STAU1: variants seen among roughly 807,000 people sequenced by gnomAD.
The protein encoded by STAU1 is staufen double-stranded RNA binding protein 1.
In STAU1, 13 loss-of-function variants were observed where a neutral mutation model predicts 62.9. The ratio of observed to expected loss-of-function variants is 0.21; its 90% CI spans 0.13 to 0.33. The LOEUF (loss-of-function observed/expected upper bound fraction) is 0.33. Among genes scored for constraint, STAU1 ranks in the 10% least tolerant of loss-of-function variants. STAU1 has a pLI of 1.00. For synonymous variants in STAU1, 269 were observed against 265.1 expected (o/e 1.01, Z -0.14); for missense variants, 571 against 712.1 (o/e 0.80, Z 2.25).
At chr20:49,120,186 C>G in intron 8 of STAU1, 58 bp from the exon 9 acceptor site, 1 of 1,552,994 alleles carries the variant, frequency 6.4e-7, no homozygotes, top group East Asian at 2.3e-5. Context: ...AACAACCAGG[C>G]AGGAATTGGT....
intron 2 of STAU1, among the ~76,000 whole-genome samples, chr20:49,170,560 T>G (rs2093584097): frequency 6.6e-6 from 1 of 151,940 alleles, no homozygotes; most frequent in African/African-American, 2.4e-5. Flanking sequence ...ACCATGTTGG[T>G]CAGGCTGGTC....
At chr20:49,157,024 C>G (rs1039613305) in intron 3 of STAU1, among the ~76,000 whole-genome samples, 3 of 151,088 alleles carry the variant, frequency 2.0e-5, no homozygotes, top group African/African-American at 4.9e-5. Flanking sequence ...TTACAGGCAC[C>G]TGCCACCATG....
intron 6 of STAU1, among the ~76,000 whole-genome samples, chr20:49,133,964 G>A (rs2092811904): frequency 6.6e-6 from 1 of 152,144 alleles, no homozygotes; most frequent in Non-Finnish European, 1.5e-5. Context: ...GCACATAGGA[G>A]GAGAAGGTAT....
chr20:49,133,388 ACTCCCCACGGTCTTGGTACCC>A (rs2092795827), intron 6 of STAU1, among the ~76,000 whole-genome samples: 1 of 151,950 alleles, frequency 6.6e-6, no homozygotes, highest in Non-Finnish European at 1.5e-5. Flanking sequence ...GGCATCTCCC[ACTCCCCACGGTCTTGGTACCC>A]CTCCCCCACA....
At chr20:49,180,187 AAGCAAAG>A (rs1158627083) in intron 1 of STAU1, among the ~76,000 whole-genome samples, 9 of 152,240 alleles carry the variant, frequency 5.9e-5, no homozygotes, top group African/African-American at 2.2e-4. Flanking sequence ...AAGGGCTAGG[AAGCAAAG>A]AGGACAACCA....
the STAU1 span, among the ~76,000 whole-genome samples, chr20:49,204,992 T>C: frequency 6.6e-6 from 1 of 151,802 alleles, no homozygotes; most frequent in Non-Finnish European, 1.5e-5. Flanking sequence ...AAAAAAAAAT[T>C]CACAAGATTT....
Position 49,151,571 on chromosome 20 carries a change from C to T in STAU1, c.510+11G>A. 6.3e-7 allele frequency: 1 copy of T among 1,585,448 alleles called. No homozygotes were observed. The highest frequency in any genetic ancestry group is 1.4e-5 in the African/African-American group (1 of 73,492). On this transcript the variant is annotated intron_variant, in intron 5 of 13. Transcript: ENST00000371856. ...GTCGAAGCGTCAGGGAGCCTGGGCT[C>T]AACTCCTCACCTCCAGCCTCTCTGG...
intron 5 of STAU1, among the ~76,000 whole-genome samples, chr20:49,150,841 C>T (rs1309745883): frequency 6.6e-6 from 1 of 152,098 alleles, no homozygotes; most frequent in Non-Finnish European, 1.5e-5. Flanking sequence ...GGCAACCAGC[C>T]ACCATAACAT....
chr20:49,118,112 A>T lies in STAU1; in HGVS notation c.1190-16T>A. The T allele has an allele frequency of 6.2e-7, 1 of 1,606,312 alleles. No individual in the cohort carries two copies. The highest frequency in any genetic ancestry group is 1.1e-5 in the South Asian group (1 of 90,860). ...TCTTTATTACCTGGGAGGGACATAC[A>T]CGGTAAACACGAATCCACATCCACA... On this transcript the variant is annotated splice_polypyrimidine_tract_variant and intron_variant, in intron 10 of 13. Coordinates refer to ENST00000371856, the MANE Select transcript of STAU1 (RefSeq NM_017453.4).
intron 3 of STAU1, among the ~76,000 whole-genome samples, chr20:49,157,758 G>A (rs900168809): frequency 2.6e-5 from 4 of 151,910 alleles, no homozygotes; most frequent in Admixed American, 6.6e-5. Flanking sequence ...GATTACAGGC[G>A]TGAGCCACCA....
intron 6 of STAU1, chr20:49,134,994 GTC>G (rs2092843585): frequency 6.2e-7 from 1 of 1,602,402 alleles, no homozygotes; most frequent in Non-Finnish European, 8.5e-7. Flanking sequence ...ATGAACAAGA[GTC>G]TTTCAGGACC....
chr20:49,162,921 T>C (rs984931508), intron 3 of STAU1, among the ~76,000 whole-genome samples: 24 of 151,990 alleles, frequency 1.6e-4, no homozygotes, highest in African/African-American at 5.8e-4. Flanking sequence ...AGGCTGGATG[T>C]GGTGGCTCAC....
chr20:49,117,183 A>C lies in STAU1; in HGVS notation c.1575T>G (p.Ser525=), dbSNP rs1434489858. The change falls in exon 12 of 14, where the codon TCT becomes TCG. Residue 525 remains serine, a synonymous_variant. Transcript: ENST00000371856. The surrounding 1 kb of genome is among the most constrained non-coding windows in gnomAD (Gnocchi z 4.6). ...TACCATGGCTGATCAGAGGTGGCTGAGAGGAGCAATTGATAAGAGATACAA... is the reference window on the plus strand; with the variant it reads ...TACCATGGCTGATCAGAGGTGGCTGCGAGGAGCAATTGATAAGAGATACAA... ...NEFVSLINCS[S]QPPLISHGIG... 6.2e-7 allele frequency: 1 copy of C among 1,614,150 alleles called. No homozygotes were observed. The highest frequency in any genetic ancestry group is 8.5e-7 in the Non-Finnish European group (1 of 1,180,016).
chr20:49,134,040 T>C (rs567869330), intron 6 of STAU1, among the ~76,000 whole-genome samples: 1 of 152,234 alleles, frequency 6.6e-6, no homozygotes, highest in Non-Finnish European at 1.5e-5. Context: ...TCAGATAGGC[T>C]TTTTAAGAAA....
chr20:49,129,279 A>ATTTTT (rs1337866356), intron 6 of STAU1, among the ~76,000 whole-genome samples: 157 of 101,874 alleles, frequency 1.5e-3, no homozygotes, highest in African/African-American at 5.7e-3. Flanking sequence ...TTTAAAAAAA[A>ATTTTT]ATTTTTTTTT....
intron 5 of STAU1, among the ~76,000 whole-genome samples, chr20:49,137,231 T>C (rs1600687356): frequency 1.3e-5 from 2 of 152,304 alleles, no homozygotes; most frequent in South Asian, 2.1e-4. Context: ...AAAACTGCCA[T>C]GTATCTCATA....
intron 6 of STAU1, among the ~76,000 whole-genome samples, chr20:49,127,178 C>G (rs1170018656): frequency 6.6e-6 from 1 of 151,610 alleles, no homozygotes; most frequent in East Asian, 1.9e-4. Context: ...CATAGTGAAA[C>G]CCCGTCTCTA....
At chr20:49,119,843 G>T in intron 9 of STAU1, 139 bp downstream of exon 9, 1 of 1,055,656 alleles carries the variant, frequency 9.5e-7, no homozygotes, top group Non-Finnish European at 1.3e-6. Context: ...TGGTCCAAAT[G>T]GATGAGACAC....
At chr20:49,178,805 G>T (rs1418259737) in intron 1 of STAU1, among the ~76,000 whole-genome samples, 2 of 148,630 alleles carry the variant, frequency 1.3e-5, no homozygotes, top group Non-Finnish European at 3.0e-5. Flanking sequence ...CGGGCGCGGT[G>T]GCTCACGCCT....
Sources: gnomAD v4.1 joint callset for allele counts (sites outside exome capture counted in the v4.1 genomes callset) on GRCh38, gnomAD v4.1.1 for gene constraint, Gnocchi (gnomAD v3.1) non-coding constraint, MANE v1.5 for transcripts, NCBI Gene and HGNC (gene_info 2026-07-23, HGNC 2026-07-21) for gene names.